SPATA21: variants seen among roughly 807,000 people sequenced by gnomAD.
The protein encoded by SPATA21 is spermatogenesis associated 21.
Under a neutral mutation model 54.8 loss-of-function variants are expected in SPATA21, and 47 were observed. The observed-to-expected ratio is 0.86, with a 90% CI of 0.68 to 1.09. SPATA21 has a LOEUF of 1.09. Ranked by LOEUF, SPATA21 falls within the 50% of genes least tolerant of loss-of-function variation. SPATA21 has a pLI of 0.00. For missense variants in SPATA21, 599 were observed against 596.4 expected, an observed-to-expected ratio of 1.00 and a Z score of -0.05; for synonymous variants, 245 against 235.3, an observed-to-expected ratio of 1.04 and a Z score of -0.38.
chr1:16,429,292 C>T (rs536456381), intron 3 of SPATA21, among the ~76,000 whole-genome samples: 7 of 151,470 alleles, frequency 4.6e-5, no homozygotes, highest in Non-Finnish European at 7.4e-5. Flanking sequence ...CGTGAGCCAC[C>T]GCGCCTGGCT....
At chr1:16,426,868 C>G (rs2086339387) in intron 3 of SPATA21, among the ~76,000 whole-genome samples, 1 of 152,030 alleles carries the variant, frequency 6.6e-6, no homozygotes, top group African/African-American at 2.4e-5. Flanking sequence ...GTGTGAGCCA[C>G]TGTGCCCGGC....
intron 7 of SPATA21, chr1:16,408,458 AG>A (rs1258237442): frequency 1.0e-6 from 1 of 985,338 alleles, no homozygotes; most frequent in Non-Finnish European, 1.2e-6. Context: ...GGACCAATAG[AG>A]CAGGCTTGGG....
intron 3 of SPATA21, chr1:16,425,823 G>A: frequency 8.9e-7 from 1 of 1,117,574 alleles, no homozygotes; most frequent in Non-Finnish European, 1.3e-6. Context: ...TAGGTGCATA[G>A]CTAACGCCTG....
rs1270878948 is a variant in SPATA21 at position 16,409,533 on chromosome 1, G to A, written c.587+68C>T. 1 of 1,507,684 alleles carries A rather than the reference G, an allele frequency of 6.6e-7. No individual in the cohort carries two copies. Among genetic ancestry groups the A allele is most frequent in the African/African-American group, 1.4e-5 (1 of 72,970 alleles). The allele number at this position is 1,507,684 out of a possible 1,614,324, so 93.4% of individuals were successfully genotyped here. On this transcript the variant is annotated intron_variant, in intron 6 of 12. Transcript: ENST00000335496. This position sits in a 1 kb window ranked among gnomAD's most constrained non-coding sequence, Gnocchi z 4.1. ...CAGGCAGGTGCAGGGACAGGGACCT[G>A]CATCCGGGACAAGGCTCTGATCTTG...
Position 16,400,789 on chromosome 1 carries a change from C to T in SPATA21, c.1105G>A (p.Glu369Lys). 1 of 1,613,348 alleles carries T rather than the reference C, an allele frequency of 6.2e-7. No homozygotes were observed. The highest frequency in any genetic ancestry group is 8.5e-7 in the Non-Finnish European group (1 of 1,179,874). ...CGTTCTGGAACTTCTGAGCTCTCTT[C>T]TTGCTGGGGGTTGTAGGGAAGCTTC... ...LQKLPYNPQQ[E>K]ESSEVPERKV... Residue 369 changes from glutamate to lysine, a missense_variant, in exon 11 of 13, where the codon GAA (glutamate) becomes AAA (lysine). Glu to Lys is a moderately conservative substitution (Grantham distance 56, BLOSUM62 1). Coordinates refer to ENST00000335496, the MANE Select transcript of SPATA21 (RefSeq NM_198546.1).
At chr1:16,401,021 A>G in intron 10 of SPATA21, 129 bp from the exon 11 acceptor site, 2 of 1,120,300 alleles carry the variant, frequency 1.8e-6, no homozygotes, top group South Asian at 1.6e-5. Flanking sequence ...CCTGGCTTCT[A>G]GTCTCAGCTC....
intron 5 of SPATA21, among the ~76,000 whole-genome samples, chr1:16,417,335 T>C (rs1482601108): frequency 3.3e-5 from 5 of 152,148 alleles, no homozygotes; most frequent in African/African-American, 1.2e-4. Flanking sequence ...CTTGGCTCAC[T>C]GCAGCCTCTG....
intron 1 of SPATA21, among the ~76,000 whole-genome samples, chr1:16,433,498 C>A (rs1182797795): frequency 6.6e-6 from 1 of 152,234 alleles, no homozygotes; most frequent in Non-Finnish European, 1.5e-5. Context: ...CTGAGTCTTC[C>A]TGTCTCAGGG....
chr1:16,400,366 T>G, intron 11 of SPATA21: 1 of 808,626 alleles, frequency 1.2e-6, no homozygotes, highest in Non-Finnish European at 1.5e-6. Context: ...TGATTATGAG[T>G]ATTAAATTCT....
chr1:16,431,352 T>C lies in SPATA21; in HGVS notation c.20A>G (p.Gln7Arg), dbSNP rs1171830894. 6.2e-7 allele frequency: 1 copy of C among 1,614,130 alleles called. No individual in the cohort carries two copies. Among genetic ancestry groups the C allele is most frequent in the Admixed American group, 1.7e-5 (1 of 60,014 alleles). Residue 7 changes from glutamine to arginine, a missense_variant, in exon 3 of 13, where the codon CAG becomes CGG. Transcript: ENST00000335496. ...CTTGGTTCTACCCTCCGTGTACATC[T>C]GGGTGTTTCTATTGTCCATGATGCC... MDNRNT[Q>R]MYTEEEKTVN...
At position 16,428,162 on chromosome 1, in the gene SPATA21, T is replaced by C. The variant is rs2086368984; in HGVS notation, c.34+3176A>G. The C allele has an allele frequency of 1.8e-6, 2 of 1,116,146 alleles. No individual in the cohort carries two copies. 69.1% of individuals were successfully genotyped at this position (1,116,146 alleles called of 1,614,324 possible). A position where few individuals can be genotyped will look rare whatever the true frequency, so the allele number is the denominator to read the frequency against. On this transcript the variant is annotated intron_variant, in intron 3 of 12. Coordinates refer to ENST00000335496, the MANE Select transcript of SPATA21 (RefSeq NM_198546.1). The surrounding 1 kb of genome is among the most constrained non-coding windows in gnomAD (Gnocchi z 4.3). ...GATTGGGGAAGCTGTTGGAGAGGGGTGAGCAGGAGCTGAGAGGCAGGGATG... is the reference window on the plus strand; with the variant it reads ...GATTGGGGAAGCTGTTGGAGAGGGGCGAGCAGGAGCTGAGAGGCAGGGATG...
Position 16,409,556 on chromosome 1 carries a change from T to A in SPATA21, c.587+45A>T, listed in dbSNP as rs1162956426. On this transcript the variant is annotated intron_variant, in intron 6 of 12. Transcript: ENST00000335496. This position sits in a 1 kb window ranked among gnomAD's most constrained non-coding sequence, Gnocchi z 4.1. ...CTGCATCCGGGACAAGGCTCTGATC[T>A]TGGGGCCTTTCAGGAGCGGGCGGGT... 2 of 1,573,126 alleles carry A rather than the reference T, an allele frequency of 1.3e-6. No individual in the cohort carries two copies. Among genetic ancestry groups the A allele is most frequent in the Non-Finnish European group, 1.7e-6 (2 of 1,161,156 alleles).
At chr1:16,424,429 A>AT (rs1326967664) in intron 3 of SPATA21, among the ~76,000 whole-genome samples, 1 of 149,194 alleles carries the variant, frequency 6.7e-6, no homozygotes, top group East Asian at 2.0e-4. Flanking sequence ...TTTTATTTTT[A>AT]TTTTTTTTGA....
At chr1:16,434,850 CTTAT>C (rs140402991) in intron 1 of SPATA21, among the ~76,000 whole-genome samples, 7,183 of 151,638 alleles carry the variant, frequency 0.047, 236 homozygotes, top group Non-Finnish European at 0.072. Context: ...TATTATCTGT[CTTAT>C]TTATTTATTT....
At chr1:16,410,756 A>G in intron 5 of SPATA21, 1 of 333,624 alleles carries the variant, frequency 3.0e-6, no homozygotes, top group South Asian at 2.2e-5. Context: ...CATGTTGCCC[A>G]GGCTGGTCTG....
intron 5 of SPATA21, 141 bp from the exon 6 acceptor site, chr1:16,410,184 A>G: frequency 1.5e-6 from 1 of 665,380 alleles, no homozygotes. Context: ...CAAATCTCAC[A>G]TGCACCCCAC....
At position 16,409,776 on chromosome 1, in the gene SPATA21, C is replaced by T. The variant is rs529678631; in HGVS notation, c.412G>A (p.Gly138Ser). The T allele has an allele frequency of 2.8e-5, 45 of 1,604,534 alleles. 1 individual carries two copies. The South Asian group carries it at 4.5e-4, about 16-fold the overall frequency. The change falls in exon 6 of 13, where the codon GGC becomes AGC. Residue 138 changes from glycine (G) to serine (S), a missense_variant. By Grantham distance (56) the Gly-to-Ser change is moderately conservative (BLOSUM62 0). Transcript: ENST00000335496. The surrounding 1 kb of genome is among the most constrained non-coding windows in gnomAD (Gnocchi z 4.1). ...PQTPASVPAS[G>S]PSWARLPAPG... ...GCTGGCAGCCGGGCCCACGATGGGC[C>T]GCTGGCAGGGACCGAGGCAGGGGTC... is the stretch of plus-strand genomic sequence containing the variant.
At position 16,409,692 on chromosome 1, in the gene SPATA21, C is replaced by G; in HGVS notation, c.496G>C (p.Val166Leu). ...AGGTCCAGGGCAGGGCCCAGCAGGA[C>G]AGGGCAAGGCATGGAGGTGGGGACC... ...APVPTSMPCP[V>L]LLGPALDLGW... is the part of the protein sequence containing the mutation. Residue 166 changes from valine to leucine, a missense_variant, in exon 6 of 13, where the codon GTC becomes CTC. Transcript: ENST00000335496. The surrounding 1 kb of genome is among the most constrained non-coding windows in gnomAD (Gnocchi z 4.1). 6.2e-7 allele frequency: 1 copy of G among 1,613,416 alleles called. No homozygotes were observed. Among genetic ancestry groups the G allele is most frequent in the East Asian group, 2.2e-5 (1 of 44,862 alleles).
rs550834547 is a variant in SPATA21 at position 16,428,066 on chromosome 1, G to A, written c.34+3272C>T. The stretch of plus-strand genomic sequence containing the variant: ...GCTTGAGGGCTGGCATTGAGTACCC[G>A]TTCTGGAGTGATCCCTCCCACTCCT... On this transcript the variant is annotated intron_variant, in intron 3 of 12. Transcript: ENST00000335496. This position sits in a 1 kb window ranked among gnomAD's most constrained non-coding sequence, Gnocchi z 4.3. 42 of 1,516,804 alleles carry A rather than the reference G, an allele frequency of 2.8e-5. No homozygotes were observed. Among genetic ancestry groups the A allele is most frequent in the African/African-American group, 6.9e-5 (5 of 72,684 alleles). 94.0% of individuals were successfully genotyped at this position (1,516,804 alleles called of 1,614,324 possible).
Sources: allele counts gnomAD v4.1 joint callset (sites outside exome capture counted in the v4.1 genomes callset), GRCh38; gene constraint gnomAD v4.1.1; non-coding constraint Gnocchi (gnomAD v3.1); transcripts MANE v1.5; gene names NCBI Gene and HGNC (gene_info 2026-07-23, HGNC 2026-07-21).